The following COL18A1 variants were observed in gnomAD, a reference collection of about 807,000 sequenced individuals.
COL18A1 encodes collagen alpha-1(XVIII) chain.
Under a neutral mutation model 168.0 loss-of-function variants are expected in COL18A1, and 133 were observed. The observed-to-expected ratio is 0.79, with a 90% CI of 0.69 to 0.91. COL18A1 has a LOEUF of 0.91. Ranked by LOEUF, COL18A1 falls within the 40% of genes least tolerant of loss-of-function variation. COL18A1 has a pLI of 0.00. For missense variants in COL18A1, 2,126 were observed against 1,925.4 expected (o/e 1.10, Z -1.95); for synonymous variants, 949 against 809.0 (o/e 1.17, Z -2.94).
rs1197169272 is a variant in COL18A1 at position 45,513,636 on chromosome 21, G to A, written c.*1238G>A. The A allele has an allele frequency of 2.6e-5, 4 of 152,266 alleles. No homozygotes were observed. The highest frequency in any genetic ancestry group is 2.0e-4 in the Admixed American group (3 of 15,292). The allele number at this position is 152,266 out of a possible 1,614,324, so 9.4% of individuals were successfully genotyped here. A position where few individuals can be genotyped will look rare whatever the true frequency, so the allele number is the denominator to read the frequency against. On this transcript the variant is annotated 3_prime_UTR_variant, in exon 42 of 42. Coordinates refer to ENST00000651438, the MANE Select transcript of COL18A1 (RefSeq NM_001379500.1). ...CAACACGCACCTGCCTCAGGACTGCGACGAAACCGGTGGGGCTGGTTCTGT... is the reference window on the plus strand; with the variant it reads ...CAACACGCACCTGCCTCAGGACTGCAACGAAACCGGTGGGGCTGGTTCTGT...
At position 45,480,460 on chromosome 21, in the gene COL18A1, T is replaced by A; in HGVS notation, c.1399-7T>A. The A allele has an allele frequency of 6.2e-7, 1 of 1,614,116 alleles. No individual in the cohort carries two copies. ...GGGCAACGTGTCTCTCCGGCTCTTT[T>A]CCTCAGACCTTCATTGACATGGAGG... On this transcript the variant is annotated splice_polypyrimidine_tract_variant and splice_region_variant and intron_variant, in intron 11 of 41. Transcript: ENST00000651438.
chr21:45,497,082 A>G lies in COL18A1; in HGVS notation c.2610A>G (p.Pro870=), dbSNP rs570042354. Residue 870 remains proline, a synonymous_variant, in exon 31 of 42, where the codon CCA becomes CCG. Coordinates refer to ENST00000651438, the MANE Select transcript of COL18A1 (RefSeq NM_001379500.1). ...CTGAGTCCAGCCGCCCCGGGCCTCC[A>G]GGATTGCCAGGTGAGGGTCCTGGGC... ...VFAESSRPGP[P]GLPGNQGPPG... 3 of 1,593,224 alleles carry G rather than the reference A, an allele frequency of 1.9e-6. No individual in the cohort carries two copies. The highest frequency in any genetic ancestry group is 2.6e-6 in the Non-Finnish European group (3 of 1,168,858).
At chr21:45,435,801 G>A (rs1019601814) in intron 2 of COL18A1, among the ~76,000 whole-genome samples, 1 of 152,206 alleles carries the variant, frequency 6.6e-6, no homozygotes, top group Non-Finnish European at 1.5e-5. Context: ...CCTGGCACAG[G>A]TCTGCTCGGA....
At chr21:45,490,695 G>T in intron 20 of COL18A1, 141 bp from the exon 21 acceptor site, 2 of 858,350 alleles carry the variant, frequency 2.3e-6, no homozygotes, top group Non-Finnish European at 3.8e-6. Flanking sequence ...CTCCGTCAGG[G>T]CTCTTGGTGG....
In COL18A1 at chr21:45,512,598, A is replaced by T; in HGVS notation, c.*200A>T. 1 of 623,974 alleles carries T rather than the reference A, an allele frequency of 1.6e-6. No homozygotes were observed. The highest frequency in any genetic ancestry group is 2.8e-6 in the Non-Finnish European group (1 of 357,888). 38.7% of individuals were successfully genotyped at this position (623,974 alleles called of 1,614,324 possible). ...TTTAAAAGTTTAAAACAGAAGCCTG[A>T]TGCTGACATTCACCTGCCCCAACTC... On this transcript the variant is annotated 3_prime_UTR_variant, in exon 42 of 42. Coordinates refer to ENST00000651438, the MANE Select transcript of COL18A1 (RefSeq NM_001379500.1).
chr21:45,497,895 C>T (rs1471912563), intron 32 of COL18A1: 10 of 617,730 alleles, frequency 1.6e-5, no homozygotes, highest in Non-Finnish European at 2.8e-5. Flanking sequence ...CCATCACCTC[C>T]TGAGGAGCAG....
chr21:45,480,733 C>T lies in COL18A1; in HGVS notation c.1486C>T (p.Pro496Ser), dbSNP rs757040503. ...AGGCTTCCCTGGACCTCCCGGACCCCCCGGTGTCCCAGGCCTGCCCGGCGA... is the reference window on the plus strand; with the variant it reads ...AGGCTTCCCTGGACCTCCCGGACCCTCCGGTGTCCCAGGCCTGCCCGGCGA... ...PRGFPGPPGP[P>S]GVPGLPGEPG... Residue 496 changes from proline to serine, a missense_variant, in exon 13 of 42, where the codon CCC becomes TCC. By Grantham distance (74) the Pro-to-Ser change is moderately conservative (BLOSUM62 -1). Transcript: ENST00000651438. The T allele has an allele frequency of 7.4e-6, 12 of 1,610,800 alleles. No homozygotes were observed. The highest frequency in any genetic ancestry group is 6.8e-6 in the Non-Finnish European group (8 of 1,179,930).
In COL18A1 at chr21:45,416,286, C is replaced by T. The variant is rs547068727; in HGVS notation, c.106+10813C>T. 2.6e-5 allele frequency among the ~76,000 whole-genome samples: 4 copies of T among 152,346 alleles called. No individual in the cohort carries two copies. The South Asian group carries it at 8.3e-4, about 32-fold the overall frequency. On this transcript the variant is annotated intron_variant, in intron 2 of 41. Coordinates refer to ENST00000651438, the MANE Select transcript of COL18A1 (RefSeq NM_001379500.1). ...GGATCTCTGTCCTGCAGCCCACTTTCTGGCCAGGAGACTGGGGCAGCACAC... is the reference window on the plus strand; with the variant it reads ...GGATCTCTGTCCTGCAGCCCACTTTTTGGCCAGGAGACTGGGGCAGCACAC...
chr21:45,503,641 T>C (rs867591296), intron 32 of COL18A1, among the ~76,000 whole-genome samples: 10 of 54,850 alleles, frequency 1.8e-4, no homozygotes, highest in Non-Finnish European at 2.6e-4. Flanking sequence ...TGTTGTGGGG[T>C]GGGGGGAGGG....
At chr21:45,442,099 C>T (rs1425677759) in intron 2 of COL18A1, among the ~76,000 whole-genome samples, 1 of 152,252 alleles carries the variant, frequency 6.6e-6, no homozygotes, top group Non-Finnish European at 1.5e-5. Context: ...CCTGACTGCA[C>T]AGTCCTGCAG....
intron 17 of COL18A1, chr21:45,487,715 G>A (rs1307643696): frequency 7.1e-6 from 5 of 705,378 alleles, no homozygotes; most frequent in African/African-American, 1.7e-5. Context: ...GTCACGGGGT[G>A]AGGGCCTGGT....
At chr21:45,489,602 G>C in intron 19 of COL18A1, 81 bp downstream of exon 19, 7 of 932,832 alleles carry the variant, frequency 7.5e-6, no homozygotes, top group Non-Finnish European at 1.1e-5. Flanking sequence ...AGATCAGCTC[G>C]GGGCGGCCTT....
In COL18A1 at chr21:45,494,894, G is replaced by C. The variant is rs764943040; in HGVS notation, c.2412G>C (p.Glu804Asp). 10 of 1,610,948 alleles carry C rather than the reference G, an allele frequency of 6.2e-6. No homozygotes were observed. The highest frequency in any genetic ancestry group is 3.3e-5 in the Admixed American group (2 of 59,862). Residue 804 changes from glutamate (E) to aspartate (D), a missense_variant, in exon 28 of 42, where the codon GAG (glutamate) becomes GAC (aspartate). Coordinates refer to ENST00000651438, the MANE Select transcript of COL18A1 (RefSeq NM_001379500.1). ...GPYGRPGYKG[E>D]IGFPGRPGRP... ...ACGGACGGCCGGGGTACAAGGGAGA[G>C]ATTGGCTTTCCTGGACGGCCGGTGA...
At chr21:45,433,329 A>C (rs560317041) in intron 2 of COL18A1, among the ~76,000 whole-genome samples, 1 of 152,278 alleles carries the variant, frequency 6.6e-6, no homozygotes, top group East Asian at 1.9e-4. Context: ...TTAAAATTTG[A>C]GGTTGCTAGT....
chr21:45,491,433 C>T, intron 22 of COL18A1, 119 bp downstream of exon 22: 1 of 637,350 alleles, frequency 1.6e-6, no homozygotes. Context: ...GCCCTGACTG[C>T]CAGTCTACAC....
intron 39 of COL18A1, 102 bp downstream of exon 39, chr21:45,509,703 C>T (rs1244981039): frequency 1.2e-5 from 9 of 776,984 alleles, no homozygotes; most frequent in Middle Eastern, 3.3e-4. Context: ...TCCCAGGCTT[C>T]GGCCATGGGT....
chr21:45,501,435 G>C (rs954653878), intron 32 of COL18A1, among the ~76,000 whole-genome samples: 27 of 152,018 alleles, frequency 1.8e-4, no homozygotes, highest in African/African-American at 6.5e-4. Flanking sequence ...GCTGAAAGCA[G>C]GCCTGGCTTC....
At chr21:45,478,463 T>C in intron 9 of COL18A1, 110 bp downstream of exon 9, 1 of 1,421,756 alleles carries the variant, frequency 7.0e-7, no homozygotes, top group South Asian at 1.1e-5. Context: ...GAGGAGACTG[T>C]ACAGCAAAAC....
At chr21:45,434,236 G>T (rs572078459) in intron 2 of COL18A1, among the ~76,000 whole-genome samples, 1 of 152,318 alleles carries the variant, frequency 6.6e-6, no homozygotes, top group East Asian at 1.9e-4. Flanking sequence ...GGAGGGGGTT[G>T]TGGCAGGGCA....
Sources: gnomAD v4.1 joint callset for allele counts (sites outside exome capture counted in the v4.1 genomes callset) on GRCh38, gnomAD v4.1.1 for gene constraint, MANE v1.5 for transcripts, NCBI Gene and HGNC (gene_info 2026-07-23, HGNC 2026-07-21) for gene names.